SOX5: variants seen among roughly 807,000 people sequenced by gnomAD.
The protein encoded by SOX5 is SRY-box transcription factor 5.
SOX5 carries 9 observed loss-of-function variants against 92.0 expected under a neutral mutation model. The ratio of observed to expected loss-of-function variants is 0.10; its 90% CI spans 0.06 to 0.17. SOX5 has a LOEUF of 0.17. Among genes scored for constraint, SOX5 ranks in the 10% least tolerant of loss-of-function variants. The pLI is 1.00. For synonymous variants in SOX5, 344 were observed against 336.3 expected (o/e 1.02, Z -0.25); for missense variants, 642 against 944.5 (o/e 0.68, Z 4.20).
chr12:24,026,838 T>G (rs939301469), intron 4 of SOX5, among the ~76,000 whole-genome samples: 1 of 151,954 alleles, frequency 6.6e-6, no homozygotes, highest in Non-Finnish European at 1.5e-5. Flanking sequence ...TTTGCCATGA[T>G]CGTGAATATA....
intron 4 of SOX5, among the ~76,000 whole-genome samples, chr12:24,186,203 G>A (rs1490121759): frequency 1.3e-5 from 2 of 152,092 alleles, no homozygotes; most frequent in African/African-American, 4.8e-5. Flanking sequence ...AACACTGGAA[G>A]GACATCAAGG....
intron 6 of SOX5, among the ~76,000 whole-genome samples, chr12:23,713,913 G>A (rs1371904493): frequency 2.6e-5 from 4 of 151,180 alleles, no homozygotes; most frequent in East Asian, 1.9e-4. Context: ...CCAACATGGC[G>A]AAACCCCTTC....
chr12:23,541,841 T>C (rs1417030285), intron 13 of SOX5, among the ~76,000 whole-genome samples: 1 of 152,230 alleles, frequency 6.6e-6, no homozygotes, highest in African/African-American at 2.4e-5. Flanking sequence ...CCGGGCGTGG[T>C]GGCTCATGCC....
intron 2 of SOX5, chr12:24,331,412 T>C (rs1333187326): frequency 1.3e-5 from 2 of 151,968 alleles, no homozygotes; most frequent in Admixed American, 6.6e-5. Context: ...ATACAAAAAA[T>C]AAACAACAAA....
intron 2 of SOX5, among the ~76,000 whole-genome samples, chr12:24,287,749 C>A (rs997883897): frequency 6.6e-6 from 1 of 151,884 alleles, no homozygotes; most frequent in Admixed American, 6.6e-5. Context: ...TTTACTTAAG[C>A]GATCTGATTT....
chr12:23,870,194 G>T (rs2096858278), intron 2 of SOX5, among the ~76,000 whole-genome samples: 1 of 151,978 alleles, frequency 6.6e-6, no homozygotes, highest in Non-Finnish European at 1.5e-5. Context: ...ATCAGAAAAA[G>T]ACTAGGGAAG....
chr12:24,488,440 C>T (rs746335788), intron 1 of SOX5, among the ~76,000 whole-genome samples: 11 of 152,026 alleles, frequency 7.2e-5, no homozygotes, highest in Non-Finnish European at 1.3e-4. Context: ...AATAAATTAG[C>T]TGGGTGTGGT....
At chr12:23,553,673 C>T (rs955874820) in intron 11 of SOX5, among the ~76,000 whole-genome samples, 3 of 151,988 alleles carry the variant, frequency 2.0e-5, no homozygotes, top group Non-Finnish European at 2.9e-5. Flanking sequence ...TGAGTCAAAT[C>T]AGAAGGGTTA....
chr12:24,007,158 T>A (rs11047201), intron 4 of SOX5, among the ~76,000 whole-genome samples: 2,142 of 6,926 alleles, frequency 0.31, 450 homozygotes, highest in Middle Eastern at 0.61. Flanking sequence ...TATATATATA[T>A]ATACATTTAT....
At chr12:23,830,223 A>C (rs2096293046) in intron 3 of SOX5, among the ~76,000 whole-genome samples, 1 of 152,146 alleles carries the variant, frequency 6.6e-6, no homozygotes, top group African/African-American at 2.4e-5. Flanking sequence ...ACAGCATTTG[A>C]GGGTGTCTTC....
intron 1 of SOX5, among the ~76,000 whole-genome samples, chr12:24,531,775 CA>C (rs1951214783): frequency 6.6e-6 from 1 of 152,156 alleles, no homozygotes; most frequent in South Asian, 2.1e-4. Context: ...TGGACTTGGT[CA>C]AATATCTTTT....
intron 2 of SOX5, among the ~76,000 whole-genome samples, chr12:23,852,497 C>A (rs1313110879): frequency 1.3e-5 from 2 of 151,818 alleles, no homozygotes; most frequent in East Asian, 1.9e-4. Flanking sequence ...TTTTCAAAGC[C>A]TAAAAATATA....
At chr12:24,526,954 G>A (rs1006407232) in intron 1 of SOX5, among the ~76,000 whole-genome samples, 2 of 151,918 alleles carry the variant, frequency 1.3e-5, no homozygotes, top group Non-Finnish European at 2.9e-5. Context: ...AAGTAGCTGG[G>A]CCTACAGAGG....
rs527613582 is a variant in SOX5, at chr12:24,433,057, T to C, written c.-250-64418A>G. ...AACATAAGTATTTTTTATTTGGAAT[T>C]TTCTTAAAATAAAGACCATATGCAT... On this transcript the variant is annotated intron_variant, in intron 1 of 4. Coordinates refer to the SOX5 transcript ENST00000446891. Among the ~76,000 whole-genome samples, 8 of 152,314 alleles carry C rather than the reference T, an allele frequency of 5.3e-5. No homozygotes were observed. In the South Asian group the frequency reaches 1.5e-3, roughly 28 times the overall value.
intron 11 of SOX5, among the ~76,000 whole-genome samples, chr12:23,549,749 T>G (rs1186092344): frequency 6.6e-6 from 1 of 151,938 alleles, no homozygotes; most frequent in Non-Finnish European, 1.5e-5. Context: ...TAGATTCCTT[T>G]GCAAAGATGA....
chr12:23,685,440 G>C (rs918082171), intron 6 of SOX5, among the ~76,000 whole-genome samples: 21 of 151,998 alleles, frequency 1.4e-4, no homozygotes, highest in Non-Finnish European at 2.6e-4. Flanking sequence ...TAGGACCTGA[G>C]AATTCTGGCA....
chr12:24,270,616 G>T (rs1301723626), intron 3 of SOX5, among the ~76,000 whole-genome samples: 1 of 152,154 alleles, frequency 6.6e-6, no homozygotes, highest in Non-Finnish European at 1.5e-5. Context: ...GTCATTACTG[G>T]CACTCTCTCT....
intron 2 of SOX5, among the ~76,000 whole-genome samples, chr12:23,882,157 A>G (rs2096999771): frequency 6.6e-6 from 1 of 152,194 alleles, no homozygotes; most frequent in African/African-American, 2.4e-5. Context: ...TATTATAAAA[A>G]TCCACATGTA....
intron 3 of SOX5, among the ~76,000 whole-genome samples, chr12:24,230,149 T>G (rs563218209): frequency 6.6e-6 from 1 of 152,134 alleles, no homozygotes; most frequent in African/African-American, 2.4e-5. Context: ...GAGTGTGTAA[T>G]GGGGGATCTG....
Sources: gnomAD v4.1 joint callset for allele counts (sites outside exome capture counted in the v4.1 genomes callset) on GRCh38, gnomAD v4.1.1 for gene constraint, MANE v1.5 for transcripts, NCBI Gene and HGNC (gene_info 2026-07-23, HGNC 2026-07-21) for gene names.